Variants in AHNAK observed in about 807,000 individuals in gnomAD.
AHNAK encodes the protein neuroblast differentiation-associated protein AHNAK.
Under a neutral mutation model 37.8 loss-of-function variants are expected in AHNAK, and 23 were observed. The observed-to-expected ratio is 0.61, with a 90% confidence interval of 0.44 to 0.86. AHNAK has a LOEUF of 0.86. Among genes scored for constraint, AHNAK ranks in the 40% least tolerant of loss-of-function variants. AHNAK has a pLI of 0.00. For synonymous variants in AHNAK, 2,481 were observed against 2,636.3 expected (o/e 0.94, Z 1.80); for missense variants, 7,411 against 7,319.4 (o/e 1.01, Z -0.46).
chr11:62,525,156 T>A lies in AHNAK; in HGVS notation c.9261A>T (p.Lys3087Asn), dbSNP rs1940427426. Residue 3087 changes from lysine (K) to asparagine (N), a missense_variant, in exon 5 of 5, where the codon AAA (lysine) becomes AAT (asparagine). Transcript: ENST00000378024. ...PKFKMPEMNIKAPKISMPDID... is the reference protein window; with the variant it reads ...PKFKMPEMNINAPKISMPDID... ...TGTCAGGCATGGAGATCTTGGGGGC[T>A]TTGATGTTCATCTCAGGCATTTTGA... The A allele has an allele frequency of 1.9e-6, 3 of 1,613,876 alleles. No individual in the cohort carries two copies. The highest frequency in any genetic ancestry group is 2.7e-5 in the African/African-American group (2 of 74,840).
Position 62,517,922 on chromosome 11 carries a change from A to G in AHNAK, c.16495T>C (p.Ser5499Pro), listed in dbSNP as rs769438090. The change falls in exon 5 of 5, where the codon TCC becomes CCC. Residue 5499 changes from serine to proline, a missense_variant. Transcript: ENST00000378024. Reference protein sequence around the residue: ...EGNLQMPGIKSSGCDVNLPGV... With the variant: ...EGNLQMPGIKPSGCDVNLPGV... ...GGCAGGTTCACATCACATCCAGAGG[A>G]CTTAATTCCAGGCATCTGGAGGTTT... The G allele has an allele frequency of 6.2e-7, 1 of 1,614,128 alleles. No individual in the cohort carries two copies. The highest frequency in any genetic ancestry group is 8.5e-7 in the Non-Finnish European group (1 of 1,180,030).
Position 62,520,750 on chromosome 11 carries a change from T to C in AHNAK, c.13667A>G (p.Lys4556Arg), listed in dbSNP as rs1215129053. The change falls in exon 5 of 5, where the codon AAA becomes AGA. Residue 4556 changes from lysine to arginine, a missense_variant. Physicochemically the swap from Lys to Arg is conservative, Grantham distance 26. Coordinates refer to ENST00000378024, the MANE Select transcript of AHNAK (RefSeq NM_001620.3). The stretch of plus-strand genomic sequence containing the variant: ...AGTGTCAATGCCCACTTTAGGGCCT[T>C]TGACATCCACTTTGGGACCTTTCAG... Reference protein sequence around the residue: ...GDLKGPKVDVKGPKVGIDTPD... With the variant: ...GDLKGPKVDVRGPKVGIDTPD... 1 of 1,614,146 alleles carries C rather than the reference T, an allele frequency of 6.2e-7. No individual in the cohort carries two copies. Among genetic ancestry groups the C allele is most frequent in the Non-Finnish European group, 8.5e-7 (1 of 1,180,012 alleles).
At chr11:62,475,880 C>T (rs945290215) in intron 5 of AHNAK, among the ~76,000 whole-genome samples, 1 of 152,128 alleles carries the variant, frequency 6.6e-6, no homozygotes, top group African/African-American at 2.4e-5. Context: ...GCTGGGATTA[C>T]AGGTGTGAGC....
downstream of AHNAK, among the ~76,000 whole-genome samples, chr11:62,512,868 AAGGG>A (rs541728955): frequency 1.0e-3 from 135 of 128,618 alleles, no homozygotes; most frequent in South Asian, 4.2e-3. The surrounding 1 kb of genome is among the most constrained non-coding windows in gnomAD (Gnocchi z 4.0). Context: ...AGAAGGAAGG[AAGGG>A]AGGGAGGGAG....
chr11:62,526,099 T>C lies in AHNAK; in HGVS notation c.8318A>G (p.Lys2773Arg), dbSNP rs1207076238. ...TCCTTTGAAGCCAGGCATGCTGATC[T>C]TGGGCATTTTTATCTTGGGCATCTT... Reference protein sequence around the residue: ...HLKMPKIKMPKISMPGFKGEG... With the variant: ...HLKMPKIKMPRISMPGFKGEG... Residue 2773 changes from lysine to arginine, a missense_variant, in exon 5 of 5, where the codon AAG becomes AGG. Physicochemically the swap from Lys to Arg is conservative, Grantham distance 26 (BLOSUM62 2). Transcript: ENST00000378024. 1 of 1,613,418 alleles carries C rather than the reference T, an allele frequency of 6.2e-7. No individual in the cohort carries two copies. The highest frequency in any genetic ancestry group is 1.7e-5 in the Admixed American group (1 of 59,938).
At chr11:62,439,499 C>T (rs1938255401) in intron 5 of AHNAK, among the ~76,000 whole-genome samples, 1 of 152,064 alleles carries the variant, frequency 6.6e-6, no homozygotes, top group East Asian at 1.9e-4. Flanking sequence ...GCAAACACAT[C>T]CTTCCTATCC....
At chr11:62,451,310 C>T (rs1029573035) in intron 5 of AHNAK, among the ~76,000 whole-genome samples, 3 of 151,018 alleles carry the variant, frequency 2.0e-5, no homozygotes, top group Non-Finnish European at 4.4e-5. Context: ...ATCCAGGACC[C>T]TCCTCATTCT....
chr11:62,435,073 T>C (rs1938131195), intron 5 of AHNAK, among the ~76,000 whole-genome samples: 1 of 152,028 alleles, frequency 6.6e-6, no homozygotes, highest in Admixed American at 6.6e-5. Context: ...CTTCCCAAAC[T>C]TTACCTTGGC....
At chr11:62,496,477 C>T (rs1474606215) in intron 4 of AHNAK, among the ~76,000 whole-genome samples, 1 of 152,140 alleles carries the variant, frequency 6.6e-6, no homozygotes, top group Non-Finnish European at 1.5e-5. Flanking sequence ...AAAAATTCTT[C>T]CACAGCCACC....
At chr11:62,453,339 T>C (rs1371222949) in intron 5 of AHNAK, among the ~76,000 whole-genome samples, 1 of 152,156 alleles carries the variant, frequency 6.6e-6, no homozygotes, top group East Asian at 1.9e-4. Context: ...CACCTCATCC[T>C]GGTTCAAGGA....
Position 62,532,349 on chromosome 11 carries a change from T to C in AHNAK, c.2068A>G (p.Met690Val), listed in dbSNP as rs759952697. The C allele has an allele frequency of 9.3e-6, 15 of 1,614,092 alleles. No individual in the cohort carries two copies. In the Admixed American group the frequency reaches 1.0e-4, roughly 11 times the overall value. ...LKGPDVKLPD[M>V]SVKTPKISMP... Reference sequence around the variant, plus strand: ...GAGATCTTTGGTGTCTTGACACTCATATCAGGCAGCTTAACATCGGGGCCT... The same window carrying C: ...GAGATCTTTGGTGTCTTGACACTCACATCAGGCAGCTTAACATCGGGGCCT... Residue 690 changes from methionine (M) to valine (V), a missense_variant, in exon 5 of 5, where the codon ATG (methionine) becomes GTG (valine). By Grantham distance (21) the Met-to-Val change is conservative. Coordinates refer to ENST00000378024, the MANE Select transcript of AHNAK (RefSeq NM_001620.3).
chr11:62,462,538 A>T (rs757524042), intron 5 of AHNAK, among the ~76,000 whole-genome samples: 6 of 152,192 alleles, frequency 3.9e-5, no homozygotes, highest in Non-Finnish European at 7.3e-5. Flanking sequence ...CATTTTTATG[A>T]CGAAACTAAG....
chr11:62,471,111 G>A (rs1041537100), intron 5 of AHNAK, among the ~76,000 whole-genome samples: 2 of 152,332 alleles, frequency 1.3e-5, no homozygotes, highest in East Asian at 3.9e-4. Context: ...TGGCCCATGG[G>A]GAGGTGGCAC....
intron 5 of AHNAK, among the ~76,000 whole-genome samples, chr11:62,482,823 T>C (rs1344682304): frequency 1.3e-5 from 2 of 152,190 alleles, no homozygotes; most frequent in East Asian, 1.9e-4. Flanking sequence ...TCTGTAATCG[T>C]AGCATCGATA....
Position 62,516,221 on chromosome 11 carries a change from C to A in AHNAK, c.*523G>T. On this transcript the variant is annotated 3_prime_UTR_variant, in exon 5 of 5. Coordinates refer to ENST00000378024, the MANE Select transcript of AHNAK (RefSeq NM_001620.3). ...CAACACTAAAGAACCCTAAAAACAC[C>A]CACACACCCTGACTACCACCACCTC... The A allele has an allele frequency of 7.8e-7, 1 of 1,289,194 alleles. No individual in the cohort carries two copies. Among genetic ancestry groups the A allele is most frequent in the Non-Finnish European group, 1.0e-6 (1 of 988,684 alleles). 79.9% of individuals were successfully genotyped at this position (1,289,194 alleles called of 1,614,324 possible). A position where few individuals can be genotyped will look rare whatever the true frequency, so the allele number is the denominator to read the frequency against.
At position 62,531,425 on chromosome 11, in the gene AHNAK, T is replaced by A. The variant is rs1674836208; in HGVS notation, c.2992A>T (p.Met998Leu). 6.2e-7 allele frequency: 1 copy of A among 1,614,206 alleles called. No homozygotes were observed. The highest frequency in any genetic ancestry group is 2.2e-5 in the East Asian group (1 of 44,892). Residue 998 changes from methionine to leucine, a missense_variant, in exon 5 of 5, where the codon ATG (methionine) becomes TTG (leucine). Met to Leu is a conservative substitution (Grantham distance 15). Transcript: ENST00000378024. ...EMQGPDWNLK[M>L]PKIKMPKFSM... Reference sequence around the variant, plus strand: ...AATTTGGGCATTTTAATCTTTGGCATCTTCAAGTTCCAGTCAGGACCCTGC... The same window carrying A: ...AATTTGGGCATTTTAATCTTTGGCAACTTCAAGTTCCAGTCAGGACCCTGC...
Position 62,526,712 on chromosome 11 carries a change from T to C in AHNAK, c.7705A>G (p.Met2569Val). 1 of 1,613,484 alleles carries C rather than the reference T, an allele frequency of 6.2e-7. No individual in the cohort carries two copies. Among genetic ancestry groups the C allele is most frequent in the Non-Finnish European group, 8.5e-7 (1 of 1,179,908 alleles). The stretch of plus-strand genomic sequence containing the variant: ...GGGGCTTTGATGTTCATCTCTGGCA[T>C]CTTTAACTTAGGCCCTTTCAACTTT... ...EGKLKGPKLK[M>V]PEMNIKAPKI... The change falls in exon 5 of 5, where the codon ATG (methionine) becomes GTG (valine). Residue 2569 changes from methionine to valine, a missense_variant. Transcript: ENST00000378024.
intron 5 of AHNAK, among the ~76,000 whole-genome samples, chr11:62,484,371 G>A (rs1303128545): frequency 1.3e-5 from 2 of 152,120 alleles, no homozygotes; most frequent in Non-Finnish European, 2.9e-5. Context: ...GGGTGACAGA[G>A]TGAGACCCTG....
rs776582925 is a variant in AHNAK, at chr11:62,522,359, C to G, written c.12058G>C (p.Asp4020His). 1 of 1,613,852 alleles carries G rather than the reference C, an allele frequency of 6.2e-7. No homozygotes were observed. The highest frequency in any genetic ancestry group is 8.5e-7 in the Non-Finnish European group (1 of 1,179,986). Reference sequence around the variant, plus strand: ...CCTTCCATCTTAGGCAGAGAAACATCCACATCTCCTTTCACCTTAGGGCCT... The same window carrying G: ...CCTTCCATCTTAGGCAGAGAAACATGCACATCTCCTTTCACCTTAGGGCCT... Reference protein sequence around the residue: ...LKGPKVKGDVDVSLPKMEGDL... With the variant: ...LKGPKVKGDVHVSLPKMEGDL... The change falls in exon 5 of 5, where the codon GAT (aspartate) becomes CAT (histidine). Residue 4020 changes from aspartate to histidine, a missense_variant. Physicochemically the swap from Asp to His is moderately conservative, Grantham distance 81. Transcript: ENST00000378024.
Sources: gnomAD v4.1 joint callset for allele counts (sites outside exome capture counted in the v4.1 genomes callset) on GRCh38, gnomAD v4.1.1 for gene constraint, Gnocchi (gnomAD v3.1) non-coding constraint, MANE v1.5 for transcripts, NCBI Gene and HGNC (gene_info 2026-07-23, HGNC 2026-07-21) for gene names.